The following ITPR2 variants were observed in gnomAD, a reference collection of about 807,000 sequenced individuals.
ITPR2 encodes inositol 1,4,5-trisphosphate-gated calcium channel ITPR2.
In ITPR2, 207 loss-of-function variants were observed where a neutral mutation model predicts 317.1. The observed-to-expected ratio is 0.65, with a 90% CI of 0.58 to 0.73. The LOEUF is 0.73. Ranked by LOEUF, ITPR2 falls within the 30% of genes least tolerant of loss-of-function variation. ITPR2 has a pLI of 0.00. For missense variants in ITPR2, 2,613 were observed against 3,284.0 expected, an observed-to-expected ratio of 0.80 and a Z score of 4.99; for synonymous variants, 1,156 against 1,149.1, an observed-to-expected ratio of 1.01 and a Z score of -0.12.
chr12:26,578,708 C>T lies in ITPR2; in HGVS notation c.4630+5G>A. 6.3e-7 allele frequency: 1 copy of T among 1,595,522 alleles called. No individual in the cohort carries two copies. The highest frequency in any genetic ancestry group is 8.6e-7 in the Non-Finnish European group (1 of 1,166,974). ...AAAATAAGTAAAACTCAAACTATGACTTACCCACTTCAGCCAAAGTTCTGA... is the reference window on the plus strand; with the variant it reads ...AAAATAAGTAAAACTCAAACTATGATTTACCCACTTCAGCCAAAGTTCTGA... On this transcript the variant is annotated splice_donor_5th_base_variant and intron_variant, in intron 34 of 56. Transcript: ENST00000381340.
At chr12:26,494,598 C>T (rs1942890155) in intron 38 of ITPR2, among the ~76,000 whole-genome samples, 1 of 151,544 alleles carries the variant, frequency 6.6e-6, no homozygotes, top group South Asian at 2.1e-4. Context: ...AGTGAAACCC[C>T]AATTCTACTA....
chr12:26,522,651 G>C (rs548716826), intron 37 of ITPR2, among the ~76,000 whole-genome samples: 1 of 152,272 alleles, frequency 6.6e-6, no homozygotes, highest in East Asian at 1.9e-4. Flanking sequence ...GAATGGGAAA[G>C]TACATGTGCA....
chr12:26,792,064 A>G (rs920668303), intron 1 of ITPR2, among the ~76,000 whole-genome samples: 34 of 152,190 alleles, frequency 2.2e-4, no homozygotes, highest in African/African-American at 7.7e-4. Context: ...CCAGCCATCA[A>G]GAGGAATGAG....
chr12:26,563,777 C>T (rs941320218), intron 34 of ITPR2, among the ~76,000 whole-genome samples: 1 of 152,140 alleles, frequency 6.6e-6, no homozygotes, highest in African/African-American at 2.4e-5. Flanking sequence ...AGCCTTTGGC[C>T]TCTCATACAG....
intron 37 of ITPR2, among the ~76,000 whole-genome samples, chr12:26,499,387 C>T (rs1243138079): frequency 2.6e-5 from 4 of 152,254 alleles, no homozygotes; most frequent in African/African-American, 9.6e-5. Context: ...TTTCTGTTGT[C>T]AACTCTGAAG....
intron 2 of ITPR2, among the ~76,000 whole-genome samples, chr12:26,783,300 T>C (rs1230180538): frequency 5.3e-5 from 8 of 152,204 alleles, no homozygotes; most frequent in Non-Finnish European, 1.2e-4. Context: ...AAGTGACAAA[T>C]GTTCAGAGAA....
At chr12:26,469,610 T>C (rs1565544374) in intron 45 of ITPR2, among the ~76,000 whole-genome samples, 1 of 152,318 alleles carries the variant, frequency 6.6e-6, no homozygotes, top group East Asian at 1.9e-4. Flanking sequence ...TTCTGGTTCA[T>C]TGTCTACTCT....
intron 2 of ITPR2, among the ~76,000 whole-genome samples, chr12:26,768,657 C>T (rs1949784862): frequency 1.3e-5 from 2 of 149,124 alleles, no homozygotes; most frequent in Admixed American, 6.7e-5. Flanking sequence ...GTCACAGGAC[C>T]CCTTCACACT....
At chr12:26,394,645 T>C (rs1157395437) in intron 54 of ITPR2, among the ~76,000 whole-genome samples, 1 of 151,932 alleles carries the variant, frequency 6.6e-6, no homozygotes, top group Non-Finnish European at 1.5e-5. Flanking sequence ...GCCAGGAAAA[T>C]TCAAGTTACA....
intron 55 of ITPR2, among the ~76,000 whole-genome samples, chr12:26,373,977 TTTC>T (rs1192155034): frequency 6.6e-6 from 1 of 152,168 alleles, no homozygotes; most frequent in Non-Finnish European, 1.5e-5. Flanking sequence ...CTAGATGACA[TTTC>T]TTCTTATGTA....
At chr12:26,437,565 A>T (rs1410441956) in intron 47 of ITPR2, among the ~76,000 whole-genome samples, 1 of 152,210 alleles carries the variant, frequency 6.6e-6, no homozygotes, top group Non-Finnish European at 1.5e-5. Flanking sequence ...ATGTATTTGT[A>T]ATAACAAATT....
intron 37 of ITPR2, among the ~76,000 whole-genome samples, chr12:26,536,046 T>C (rs1337799425): frequency 6.6e-6 from 1 of 152,180 alleles, no homozygotes; most frequent in East Asian, 1.9e-4. Flanking sequence ...AGAAAGAATA[T>C]CCTCAGTCAT....
chr12:26,517,873 G>A (rs1207468983), intron 37 of ITPR2, among the ~76,000 whole-genome samples: 3 of 151,982 alleles, frequency 2.0e-5, no homozygotes, highest in African/African-American at 7.3e-5. Context: ...AAAACTAACA[G>A]ATGATGAAGA....
chr12:26,482,809 G>A (rs745419050), intron 42 of ITPR2, among the ~76,000 whole-genome samples: 32 of 152,256 alleles, frequency 2.1e-4, no homozygotes, highest in African/African-American at 5.1e-4. Context: ...GTATGTGTGC[G>A]TATCTCATGT....
chr12:26,819,041 G>A (rs1950900654), intron 1 of ITPR2, among the ~76,000 whole-genome samples: 1 of 152,106 alleles, frequency 6.6e-6, no homozygotes, highest in Admixed American at 6.5e-5. Context: ...CCTCAAAATT[G>A]CTTTTCTAAA....
At position 26,724,580 on chromosome 12, in the gene ITPR2, C is replaced by T. The variant is rs950074207; in HGVS notation, c.366+76G>A. 50 of 831,222 alleles carry T rather than the reference C, an allele frequency of 6.0e-5. 1 individual carries two copies. Among genetic ancestry groups the T allele is most frequent in the Non-Finnish European group, 8.6e-5 (43 of 497,710 alleles). The allele number at this position is 831,222 out of a possible 1,614,324, so 51.5% of individuals were successfully genotyped here. On this transcript the variant is annotated intron_variant, in intron 4 of 56. Coordinates refer to ENST00000381340, the MANE Select transcript of ITPR2 (RefSeq NM_002223.4). ...AACTTCCTGTATCTCAAAATTTTAA[C>T]GCAGTTTGGCTTTCCTGCCAACTTA...
chr12:26,715,590 A>G, intron 7 of ITPR2, 145 bp from the exon 8 acceptor site: 1 of 852,282 alleles, frequency 1.2e-6, no homozygotes, highest in Non-Finnish European at 1.8e-6. Context: ...AAACATTTAA[A>G]AATGTGGGGG....
chr12:26,436,109 C>G (rs1339226404), intron 48 of ITPR2, 112 bp downstream of exon 48: 5 of 1,047,804 alleles, frequency 4.8e-6, no homozygotes, highest in Non-Finnish European at 6.6e-6. Context: ...CTACTTCCAA[C>G]AAGTATAGAA....
chr12:26,569,318 T>G (rs2137050495), intron 34 of ITPR2, among the ~76,000 whole-genome samples: 1 of 151,086 alleles, frequency 6.6e-6, no homozygotes, highest in Non-Finnish European at 1.5e-5. Flanking sequence ...ATTAGGGAGG[T>G]CAAGGCGGGT....
Sources: gnomAD v4.1 joint callset for allele counts (sites outside exome capture counted in the v4.1 genomes callset) on GRCh38, gnomAD v4.1.1 for gene constraint, MANE v1.5 for transcripts, NCBI Gene and HGNC (gene_info 2026-07-23, HGNC 2026-07-21) for gene names.